The following COG5 variants were observed in gnomAD, a reference collection of about 807,000 sequenced individuals.
COG5 encodes component of oligomeric golgi complex 5.
Under a neutral mutation model 110.4 loss-of-function variants are expected in COG5, and 86 were observed. The ratio of observed to expected loss-of-function variants is 0.78; its 90% CI spans 0.65 to 0.93. The LOEUF is 0.93. Ranked by LOEUF, COG5 falls within the 40% of genes least tolerant of loss-of-function variation. COG5 has a pLI of 0.00. For synonymous variants in COG5, 360 were observed against 334.6 expected, an observed-to-expected ratio of 1.08 and a Z score of -0.83; for missense variants, 1,077 against 987.0, an observed-to-expected ratio of 1.09 and a Z score of -1.22.
intron 6 of COG5, 103 bp from the exon 7 acceptor site, chr7:107,412,735 T>C (rs776308228): frequency 4.1e-6 from 3 of 740,240 alleles, no homozygotes; most frequent in Non-Finnish European, 4.4e-6. Context: ...CAAAAAACGC[T>C]ATTAAACAGG....
chr7:107,538,478 A>G (rs1801746494), intron 5 of COG5, among the ~76,000 whole-genome samples: 1 of 151,998 alleles, frequency 6.6e-6, no homozygotes, highest in Non-Finnish European at 1.5e-5. Flanking sequence ...CGCCTATTAA[A>G]CTTCCACTCT....
At position 107,288,905 on chromosome 7, in the gene COG5, GAGATATATAT is replaced by G. The variant is rs1406809041; in HGVS notation, c.1314-5183_1314-5174del. 1.5e-3 allele frequency among the ~76,000 whole-genome samples: 103 copies of G among 67,288 alleles called. 1 individual carries two copies. Among genetic ancestry groups the G allele is most frequent in the African/African-American group, 4.5e-3 (95 of 20,918 alleles). 44.1% of individuals were successfully genotyped at this position (67,288 alleles called of 152,430 possible). On this transcript the variant is annotated intron_variant, in intron 12 of 21. Transcript: ENST00000297135. ...AGATTTGCCCCTATGTTTTCTAACAGAGATATATATATATATATATATATATATATATATA... is the reference window on the plus strand; with the variant it reads ...AGATTTGCCCCTATGTTTTCTAACAGATATATATATATATATATATATATA...
Position 107,202,490 on chromosome 7 carries a change from T to C in COG5, c.*1026A>G, listed in dbSNP as rs1798402959. 6.6e-6 allele frequency: 1 copy of C among 152,610 alleles called. No homozygotes were observed. Among genetic ancestry groups the C allele is most frequent in the Non-Finnish European group, 1.5e-5 (1 of 68,046 alleles). The allele number at this position is 152,610 out of a possible 1,614,324, so 9.5% of individuals were successfully genotyped here. ...ATTTTGCACACTATATTCTTGTATA[T>C]TATTTCAAATAAATGGAAAAAAAAG... On this transcript the variant is annotated 3_prime_UTR_variant, in exon 22 of 22. Transcript: ENST00000297135.
chr7:107,317,921 C>T (rs948369015), intron 11 of COG5, among the ~76,000 whole-genome samples: 2 of 152,058 alleles, frequency 1.3e-5, no homozygotes, highest in East Asian at 1.9e-4. Flanking sequence ...TTACCTTCTA[C>T]GATTTTACTA....
At chr7:107,339,120 C>T (rs760661305) in intron 10 of COG5, among the ~76,000 whole-genome samples, 1 of 152,084 alleles carries the variant, frequency 6.6e-6, no homozygotes, top group South Asian at 2.1e-4. Context: ...TATCTGCTAT[C>T]TTCAAGAGAC....
At chr7:107,424,333 T>C (rs1371058777) in intron 6 of COG5, among the ~76,000 whole-genome samples, 2 of 151,962 alleles carry the variant, frequency 1.3e-5, no homozygotes, top group African/African-American at 4.8e-5. Flanking sequence ...CTGGAGGGGT[T>C]TTCAGAGAAG....
intron 10 of COG5, among the ~76,000 whole-genome samples, chr7:107,345,069 C>T (rs1811482894): frequency 6.6e-6 from 1 of 152,054 alleles, no homozygotes; most frequent in South Asian, 2.1e-4. Flanking sequence ...TATTAATTGG[C>T]CTAACTTCAA....
chr7:107,478,208 T>G (rs1584875651), intron 6 of COG5, among the ~76,000 whole-genome samples: 1 of 152,050 alleles, frequency 6.6e-6, no homozygotes, highest in East Asian at 1.9e-4. Flanking sequence ...TGCTTTGTTT[T>G]GTGTGTTAAT....
intron 6 of COG5, among the ~76,000 whole-genome samples, chr7:107,517,267 A>T (rs1324319205): frequency 6.6e-6 from 1 of 152,194 alleles, no homozygotes; most frequent in Non-Finnish European, 1.5e-5. Context: ...CACCTTGCTG[A>T]AATAAGGCAT....
chr7:107,231,233 T>C (rs1465420196), intron 18 of COG5, among the ~76,000 whole-genome samples: 1 of 152,154 alleles, frequency 6.6e-6, no homozygotes, highest in Non-Finnish European at 1.5e-5. Flanking sequence ...GAGATAATAA[T>C]ACCTACTTAA....
At chr7:107,289,193 A>T (rs1408850484) in intron 12 of COG5, among the ~76,000 whole-genome samples, 6 of 151,748 alleles carry the variant, frequency 4.0e-5, no homozygotes, top group Non-Finnish European at 7.4e-5. Context: ...TAATTTTTGT[A>T]TATGATGTGA....
intron 6 of COG5, among the ~76,000 whole-genome samples, chr7:107,513,863 A>G (rs1031015578): frequency 6.6e-6 from 1 of 151,032 alleles, no homozygotes. Flanking sequence ...ACACATGGAC[A>G]CAGGAAGGGG....
chr7:107,318,887 C>A (rs959813072), intron 11 of COG5, among the ~76,000 whole-genome samples: 2 of 152,158 alleles, frequency 1.3e-5, no homozygotes, highest in African/African-American at 2.4e-5. Flanking sequence ...TAGTCCATAA[C>A]AAAAATGTTT....
intron 17 of COG5, among the ~76,000 whole-genome samples, chr7:107,240,642 T>C (rs574119064): frequency 1.4e-4 from 21 of 151,900 alleles, no homozygotes; most frequent in African/African-American, 4.9e-4. Context: ...GTTTTCACTA[T>C]TGTTTTTCTA....
At chr7:107,436,778 T>C (rs188813434) in intron 6 of COG5, among the ~76,000 whole-genome samples, 36 of 152,218 alleles carry the variant, frequency 2.4e-4, no homozygotes, top group African/African-American at 8.7e-4. Context: ...TCTAAAGCAA[T>C]AGAGAATTAA....
intron 6 of COG5, among the ~76,000 whole-genome samples, chr7:107,473,781 C>T (rs1264195508): frequency 6.6e-6 from 1 of 151,884 alleles, no homozygotes; most frequent in Non-Finnish European, 1.5e-5. Flanking sequence ...ATGAGAAAAG[C>T]CCTTTAGCAT....
chr7:107,421,051 C>T (rs558109494), intron 6 of COG5, among the ~76,000 whole-genome samples: 14 of 152,238 alleles, frequency 9.2e-5, no homozygotes, highest in Non-Finnish European at 1.8e-4. Flanking sequence ...TTGGCTACCA[C>T]AAAAAATTGC....
intron 12 of COG5, among the ~76,000 whole-genome samples, chr7:107,294,356 T>A (rs1417290974): frequency 1.3e-5 from 2 of 152,128 alleles, no homozygotes; most frequent in Non-Finnish European, 2.9e-5. Context: ...TCTAACCAAA[T>A]TACCACCTCA....
At chr7:107,397,413 G>C (rs1180599625) in intron 7 of COG5, among the ~76,000 whole-genome samples, 1 of 152,162 alleles carries the variant, frequency 6.6e-6, no homozygotes, top group Admixed American at 6.6e-5. Context: ...CCTACACCCA[G>C]TCAAATCTGT....
Sources: allele counts gnomAD v4.1 joint callset (sites outside exome capture counted in the v4.1 genomes callset), GRCh38; gene constraint gnomAD v4.1.1; transcripts MANE v1.5; gene names NCBI Gene and HGNC (gene_info 2026-07-23, HGNC 2026-07-21).